Variants in ZNF821 observed in about 807,000 individuals in gnomAD.
ZNF821 encodes zinc finger protein 821.
In ZNF821, 16 loss-of-function variants were observed where a neutral mutation model predicts 44.3. The ratio of observed to expected loss-of-function variants is 0.36; its 90% CI spans 0.24 to 0.55. ZNF821 has a LOEUF of 0.55. ZNF821 is among the 20% of genes least tolerant of loss of function. The pLI, the probability that ZNF821 is intolerant of heterozygous loss-of-function variation, is 0.86. For missense variants in ZNF821, 436 were observed against 547.6 expected (o/e 0.80, Z 2.03); for synonymous variants, 204 against 197.6 (o/e 1.03, Z -0.27).
intron 3 of ZNF821, among the ~76,000 whole-genome samples, chr16:71,873,981 G>A (rs1485939664): frequency 8.1e-6 from 1 of 124,142 alleles, no homozygotes; most frequent in African/African-American, 3.1e-5. Flanking sequence ...TTTTTGAGAT[G>A]GAGTTTTGCT....
chr16:71,891,627 AC>A (rs2036885897), intron 1 of ZNF821: 1 of 152,174 alleles, frequency 6.6e-6, no homozygotes, highest in South Asian at 2.1e-4. Context: ...TAATCCTAGC[AC>A]CCTGGGAGGC....
At chr16:71,888,450 G>A (rs974603230), upstream of ZNF821, among the ~76,000 whole-genome samples, 3 of 152,148 alleles carry the variant, frequency 2.0e-5, no homozygotes, top group East Asian at 3.9e-4. Flanking sequence ...TGCATATGGT[G>A]TGAGGCCGGG....
chr16:71,872,056 C>T (rs941705226), intron 3 of ZNF821, among the ~76,000 whole-genome samples: 3 of 151,998 alleles, frequency 2.0e-5, no homozygotes, highest in African/African-American at 7.2e-5. Context: ...GTCTCGAACT[C>T]CCAACCTCAG....
In ZNF821 at chr16:71,874,133, A is replaced by G. The variant is rs540879959; in HGVS notation, c.40+5774T>C. Among the ~76,000 whole-genome samples the G allele has an allele frequency of 4.9e-4, 73 of 149,290 alleles. No homozygotes were observed. The East Asian group carries it at 0.013, about 27-fold the overall frequency. Reference sequence around the variant, plus strand: ...GCCACCATGCCCAGCTAATTTTTGTATTTTTTTTAGTAGAGGCAGGGTTTC... The same window carrying G: ...GCCACCATGCCCAGCTAATTTTTGTGTTTTTTTTAGTAGAGGCAGGGTTTC... On this transcript the variant is annotated intron_variant, in intron 3 of 7. Transcript: ENST00000425432.
At chr16:71,871,610 T>C (rs1485976214) in intron 3 of ZNF821, among the ~76,000 whole-genome samples, 1 of 152,156 alleles carries the variant, frequency 6.6e-6, no homozygotes, top group Non-Finnish European at 1.5e-5. Context: ...ATATTAGAAT[T>C]ATTATTCCCT....
At chr16:71,865,152 C>A in intron 4 of ZNF821, 104 bp from the exon 5 acceptor site, 2 of 1,407,416 alleles carry the variant, frequency 1.4e-6, no homozygotes, top group Non-Finnish European at 9.8e-7. Flanking sequence ...ATTTTCAGAT[C>A]TTCCATAATA....
exon 1 of ZNF821, chr16:71,894,965 G>T: frequency 1.2e-6 from 1 of 827,982 alleles, no homozygotes; most frequent in Non-Finnish European, 1.9e-6. Flanking sequence ...AGACCGGAGC[G>T]ATGCTGGTCC....
intron 2 of ZNF821, chr16:71,880,334 C>G (rs1395863736): frequency 6.1e-6 from 1 of 163,372 alleles, no homozygotes; most frequent in Admixed American, 6.4e-5. Flanking sequence ...ACTCAGGCAT[C>G]CAGGGTTAGA....
intron 3 of ZNF821, among the ~76,000 whole-genome samples, chr16:71,877,509 C>T (rs534590616): frequency 1.3e-5 from 2 of 152,052 alleles, no homozygotes; most frequent in South Asian, 4.2e-4. Flanking sequence ...ATCCTCCTGC[C>T]TTGGCCTCCC....
At chr16:71,869,734 C>T (rs2034978631) in intron 3 of ZNF821, among the ~76,000 whole-genome samples, 1 of 152,066 alleles carries the variant, frequency 6.6e-6, no homozygotes, top group Admixed American at 6.6e-5. Flanking sequence ...ACCTCGCAGT[C>T]TCAAGCAATC....
upstream of ZNF821, chr16:71,884,219 CCCCCTCCCCCGCGCCGGCCAGGT>C (rs1276644984): frequency 6.6e-6 from 1 of 151,980 alleles, no homozygotes; most frequent in Non-Finnish European, 1.5e-5. Flanking sequence ...GCCTCCCTCT[CCCCCTCCCCCGCGCCGGCCAGGT>C]CCCCTTCCCC....
At chr16:71,863,262 C>T (rs2034121814) in intron 6 of ZNF821, among the ~76,000 whole-genome samples, 1 of 152,014 alleles carries the variant, frequency 6.6e-6, no homozygotes, top group Admixed American at 6.6e-5. Flanking sequence ...GTTTCTATTT[C>T]ACTATTTAAA....
At chr16:71,894,795 A>C (rs2036929830) in intron 1 of ZNF821, 5 of 1,511,454 alleles carry the variant, frequency 3.3e-6, no homozygotes, top group Non-Finnish European at 3.5e-6. Flanking sequence ...CCCGCCTCTC[A>C]AAGTGCTGGG....
At chr16:71,872,805 T>C (rs528820727) in intron 3 of ZNF821, among the ~76,000 whole-genome samples, 70 of 152,366 alleles carry the variant, frequency 4.6e-4, no homozygotes, top group African/African-American at 1.5e-3. Context: ...TTGTGCTTTT[T>C]ATAAGAGAAA....
chr16:71,868,165 C>T, intron 3 of ZNF821, 128 bp from the exon 4 acceptor site: 1 of 1,107,470 alleles, frequency 9.0e-7, no homozygotes, highest in Non-Finnish European at 1.2e-6. Context: ...TCATTCATCT[C>T]CAAGTCAGCT....
At chr16:71,874,209 G>A (rs565452711) in intron 3 of ZNF821, among the ~76,000 whole-genome samples, 15 of 151,662 alleles carry the variant, frequency 9.9e-5, no homozygotes, top group African/African-American at 3.6e-4. Flanking sequence ...TGATCCACCC[G>A]CCTCGGCCTC....
rs778921305 is a variant in ZNF821, at chr16:71,859,955, G to A, written c.*63C>T. ...GTGGGTGGCAGCAGCACTGGTCCTC[G>A]TGGCTGTGGGTGTGGGTGGGTGGGT... On this transcript the variant is annotated 3_prime_UTR_variant, in exon 8 of 8. Coordinates refer to ENST00000425432, the MANE Select transcript of ZNF821 (RefSeq NM_001201552.2). 5.6e-5 allele frequency: 82 copies of A among 1,469,856 alleles called. No homozygotes were observed. In the South Asian group the frequency reaches 8.6e-4, roughly 15 times the overall value. 91.1% of individuals were successfully genotyped at this position (1,469,856 alleles called of 1,614,324 possible).
intron 2 of ZNF821, chr16:71,881,743 G>A (rs1389345204): frequency 6.6e-6 from 1 of 152,272 alleles, no homozygotes; most frequent in Non-Finnish European, 1.5e-5. Context: ...GGGAGGCCAA[G>A]GCAGGCAGAT....
intron 6 of ZNF821, among the ~76,000 whole-genome samples, chr16:71,862,757 CTGCCATGTGTGCTGATACCT>C (rs2034049325): frequency 6.6e-6 from 1 of 152,212 alleles, no homozygotes; most frequent in Admixed American, 6.5e-5. Context: ...ACAGCCCAGG[CTGCCATGTGTGCTGATACCT>C]TGTCAACACC....
Sources: allele counts gnomAD v4.1 joint callset (sites outside exome capture counted in the v4.1 genomes callset), GRCh38; gene constraint gnomAD v4.1.1; transcripts MANE v1.5; gene names NCBI Gene and HGNC (gene_info 2026-07-23, HGNC 2026-07-21).